NEK1: variants seen among roughly 807,000 people sequenced by gnomAD.
The protein encoded by NEK1 is NIMA related kinase 1.
NEK1 carries 137 observed loss-of-function variants against 182.1 expected under a neutral mutation model. The observed-to-expected ratio is 0.75, with a 90% confidence interval of 0.65 to 0.87. The LOEUF is 0.87. NEK1 is among the 40% of genes least tolerant of loss of function. NEK1 has a pLI of 0.00. For missense variants in NEK1, 1,391 were observed against 1,494.4 expected (o/e 0.93, Z 1.14); for synonymous variants, 513 against 492.2 (o/e 1.04, Z -0.56).
chr4:169,479,600 C>A (rs1013323140), intron 23 of NEK1, 66 bp from the exon 24 acceptor site: 28 of 1,286,128 alleles, frequency 2.2e-5, no homozygotes, highest in African/African-American at 3.0e-5. Context: ...TAAAATGGTA[C>A]CTACCAGATC....
At chr4:169,551,345 T>C (rs1460929455) in intron 18 of NEK1, among the ~76,000 whole-genome samples, 1 of 152,164 alleles carries the variant, frequency 6.6e-6, no homozygotes, top group African/African-American at 2.4e-5. Flanking sequence ...GGAACATAGA[T>C]GACCAAATCT....
intron 26 of NEK1, among the ~76,000 whole-genome samples, chr4:169,465,455 A>T (rs1455490716): frequency 1.3e-5 from 2 of 152,098 alleles, no homozygotes; most frequent in African/African-American, 2.4e-5. Context: ...AGATAGGAGT[A>T]CTGAAGTAAT....
chr4:169,447,395 C>T (rs1231281006), intron 27 of NEK1, among the ~76,000 whole-genome samples: 4 of 151,992 alleles, frequency 2.6e-5, no homozygotes, highest in African/African-American at 7.2e-5. Flanking sequence ...AGACCTGTCC[C>T]ATAAGAAATG....
intron 35 of NEK1, among the ~76,000 whole-genome samples, chr4:169,396,971 C>A (rs1452639493): frequency 6.6e-6 from 1 of 152,128 alleles, no homozygotes; most frequent in African/African-American, 2.4e-5. Flanking sequence ...TGGGTCACAC[C>A]TGTAATCCTA....
rs541491999 is a variant in NEK1, at chr4:169,602,696, G to A, written c.-48-18C>T. 1.4e-5 allele frequency: 12 copies of A among 835,400 alleles called. No individual in the cohort carries two copies. In the African/African-American group the frequency reaches 1.5e-4, roughly 11 times the overall value. 51.7% of individuals were successfully genotyped at this position (835,400 alleles called of 1,614,324 possible). A position where few individuals can be genotyped will look rare whatever the true frequency, so the allele number is the denominator to read the frequency against. ...TTAAAAAACTAACAAAAAAGATAAA[G>A]CATTTATAACATGAGATAAAACATT... is the stretch of plus-strand genomic sequence containing the variant. On this transcript the variant is annotated intron_variant, in intron 2 of 35. Coordinates refer to ENST00000507142, the MANE Select transcript of NEK1 (RefSeq NM_001199397.3).
At chr4:169,452,284 T>C (rs986263705) in intron 27 of NEK1, among the ~76,000 whole-genome samples, 5 of 151,998 alleles carry the variant, frequency 3.3e-5, no homozygotes, top group South Asian at 2.1e-4. Flanking sequence ...TTCCAATCAA[T>C]AGAAAAAGAG....
chr4:169,504,524 T>G (rs1051496821), intron 23 of NEK1, among the ~76,000 whole-genome samples: 1 of 152,074 alleles, frequency 6.6e-6, no homozygotes, highest in African/African-American at 2.4e-5. Flanking sequence ...CTGTGGGACA[T>G]AAACACAATG....
chr4:169,487,233 T>C (rs1332161752), intron 23 of NEK1, among the ~76,000 whole-genome samples: 3 of 152,146 alleles, frequency 2.0e-5, no homozygotes, highest in Non-Finnish European at 4.4e-5. Flanking sequence ...ATGTGTGCCA[T>C]GGTGGTTTGC....
intron 23 of NEK1, among the ~76,000 whole-genome samples, chr4:169,482,398 C>T (rs1438563447): frequency 6.6e-6 from 1 of 151,704 alleles, no homozygotes. Context: ...CTCAAATGAT[C>T]ATTCTGCCTT....
At chr4:169,540,877 T>G (rs943877408) in intron 18 of NEK1, among the ~76,000 whole-genome samples, 1 of 152,108 alleles carries the variant, frequency 6.6e-6, no homozygotes, top group Admixed American at 6.6e-5. Context: ...TTTCCTTTTT[T>G]TTTTTAGCCC....
At position 169,590,826 on chromosome 4, in the gene NEK1, G is replaced by A. The variant is rs867238595; in HGVS notation, c.313-17C>T. ...GTCCAAAATCTAGGAAGAAAAATCA[G>A]ATCTGTCAAGCCTCTCTTTGACCAT... On this transcript the variant is annotated splice_polypyrimidine_tract_variant and intron_variant, in intron 5 of 35. Coordinates refer to ENST00000507142, the MANE Select transcript of NEK1 (RefSeq NM_001199397.3). 4 of 1,513,728 alleles carry A rather than the reference G, an allele frequency of 2.6e-6. No homozygotes were observed. The African/African-American group carries it at 4.1e-5, about 16-fold the overall frequency. The allele number at this position is 1,513,728 out of a possible 1,614,324, so 93.8% of individuals were successfully genotyped here.
In NEK1 at chr4:169,473,996, T is replaced by C. The variant is rs559895949; in HGVS notation, c.2434+3128A>G. Among the ~76,000 whole-genome samples the C allele has an allele frequency of 3.9e-5, 6 of 152,056 alleles. No homozygotes were observed. In the East Asian group the frequency reaches 1.2e-3, roughly 29 times the overall value. On this transcript the variant is annotated intron_variant, in intron 26 of 35. Transcript: ENST00000507142. ...GGAGAATAAAGGAGAGGAACTAGAA[T>C]TGTAAACAGAGAACACTTTTGAAGA...
At chr4:169,602,730 A>C (rs1010943992) in intron 2 of NEK1, 52 bp from the exon 3 acceptor site, 2 of 641,730 alleles carry the variant, frequency 3.1e-6, no homozygotes, top group South Asian at 4.0e-5. Flanking sequence ...TTATAACTTC[A>C]TAACAATTTT....
intron 27 of NEK1, among the ~76,000 whole-genome samples, chr4:169,449,236 G>A (rs967964979): frequency 2.0e-5 from 3 of 152,142 alleles, no homozygotes; most frequent in Non-Finnish European, 4.4e-5. Context: ...GGGCATAGCT[G>A]AACAAAAGGC....
intron 29 of NEK1, among the ~76,000 whole-genome samples, chr4:169,431,180 T>C (rs1737362911): frequency 6.6e-6 from 1 of 151,978 alleles, no homozygotes; most frequent in African/African-American, 2.4e-5. Context: ...TGGGAAAATA[T>C]AAATAAAAAG....
intron 18 of NEK1, among the ~76,000 whole-genome samples, chr4:169,544,348 G>A (rs929084599): frequency 2.0e-5 from 3 of 152,126 alleles, no homozygotes; most frequent in Admixed American, 6.6e-5. Context: ...GCTTTTTGAT[G>A]TGCTGCTGGA....
intron 18 of NEK1, among the ~76,000 whole-genome samples, chr4:169,550,201 T>C (rs139902181): frequency 5.2e-4 from 78 of 151,436 alleles, no homozygotes; most frequent in African/African-American, 1.8e-3. Flanking sequence ...GATGGTTTTA[T>C]AAAGGAGAGT....
At chr4:169,417,143 A>G (rs1418433275) in intron 31 of NEK1, among the ~76,000 whole-genome samples, 1 of 152,212 alleles carries the variant, frequency 6.6e-6, no homozygotes, top group African/African-American at 2.4e-5. Context: ...GACTATAATG[A>G]GTCACAGTTG....
At chr4:169,561,915 T>C in intron 13 of NEK1, 24 bp from the exon 14 acceptor site, 1 of 1,567,948 alleles carries the variant, frequency 6.4e-7, no homozygotes, top group Non-Finnish European at 8.7e-7. Flanking sequence ...AAGAACATTT[T>C]AATCCATAAT....
Sources: gnomAD v4.1 joint callset for allele counts (sites outside exome capture counted in the v4.1 genomes callset) on GRCh38, gnomAD v4.1.1 for gene constraint, MANE v1.5 for transcripts, NCBI Gene and HGNC (gene_info 2026-07-23, HGNC 2026-07-21) for gene names.